PIH1D2: variants seen among roughly 807,000 people sequenced by gnomAD.
The protein encoded by PIH1D2 is PIH1 domain containing 2.
PIH1D2 carries 25 observed loss-of-function variants against 31.2 expected under a neutral mutation model. That is an observed-to-expected ratio of 0.80 (90% confidence interval 0.58 to 1.12). PIH1D2 has a LOEUF of 1.12. Ranked by LOEUF, PIH1D2 falls within the 50% of genes most tolerant of loss-of-function variation. The pLI is 0.00. For missense variants in PIH1D2, 310 were observed against 356.6 expected, an observed-to-expected ratio of 0.87 and a Z score of 1.05; for synonymous variants, 116 against 119.9, an observed-to-expected ratio of 0.97 and a Z score of 0.21.
Position 112,067,837 on chromosome 11 carries a change from G to T in PIH1D2, c.*34C>A. 1 of 1,609,112 alleles carries T rather than the reference G, an allele frequency of 6.2e-7. No homozygotes were observed. The highest frequency in any genetic ancestry group is 2.2e-5 in the East Asian group (1 of 44,622). On this transcript the variant is annotated 3_prime_UTR_variant, in exon 6 of 6. Transcript: ENST00000280350. ...AGGTCCTTTAATTCACATGACTTTA[G>T]CACTGAAAACCCAAAACATATGATG...
chr11:112,060,890 G>T, downstream of PIH1D2: 2 of 652,502 alleles, frequency 3.1e-6, no homozygotes, highest in South Asian at 1.9e-5. Context: ...TATTGTAATG[G>T]TTGTATATCT....
At chr11:112,056,244 A>T in the PIH1D2 span, among the ~76,000 whole-genome samples, 1 of 152,100 alleles carries the variant, frequency 6.6e-6, no homozygotes, top group African/African-American at 2.4e-5. Flanking sequence ...CAATTTCTTG[A>T]TTTTTGTTAA....
chr11:112,064,224 T>C (rs1864813238), downstream of PIH1D2: 4 of 1,556,584 alleles, frequency 2.6e-6, no homozygotes, highest in Non-Finnish European at 3.5e-6. Context: ...GTTGTTCCCT[T>C]GAAAAAAAAT....
intron 4 of PIH1D2, 79 bp from the exon 5 acceptor site, chr11:112,070,780 G>T: frequency 7.0e-7 from 1 of 1,436,846 alleles, no homozygotes; most frequent in Non-Finnish European, 9.4e-7. Flanking sequence ...TATATGTGGT[G>T]TTAGTAGAGA....
At chr11:112,065,545 A>C (rs1457880732), downstream of PIH1D2, among the ~76,000 whole-genome samples, 1 of 152,218 alleles carries the variant, frequency 6.6e-6, no homozygotes, top group Non-Finnish European at 1.5e-5. Context: ...TGTTAATTTT[A>C]GGACATGATA....
chr11:112,057,823 A>C, the PIH1D2 span, among the ~76,000 whole-genome samples: 1 of 151,350 alleles, frequency 6.6e-6, no homozygotes, highest in Non-Finnish European at 1.5e-5. Context: ...TCAAGGCAAG[A>C]TCTACCAGCA....
At chr11:112,071,392 T>C (rs1555184607) in intron 3 of PIH1D2, 109 bp from the exon 4 acceptor site, 15 of 1,406,220 alleles carry the variant, frequency 1.1e-5, no homozygotes, top group Admixed American at 2.2e-5. Context: ...AATATTCCTG[T>C]ATTTTTCAGA....
rs149849850 is a variant in PIH1D2, at chr11:112,069,201, C to T, written c.814-1196G>A. ...GTATTTTAGTAGAGATAGGGTTTCA[C>T]CATGTTGCCCAGGCTGGTCTCGAAC... On this transcript the variant is annotated intron_variant, in intron 5 of 5. Transcript: ENST00000280350. Among the ~76,000 whole-genome samples, 835 of 151,782 alleles carry T rather than the reference C, an allele frequency of 5.5e-3. 5 individuals are homozygous for T. Among genetic ancestry groups the T allele is most frequent in the African/African-American group, 0.018 (752 of 41,376 alleles).
downstream of PIH1D2, chr11:112,060,036 G>A: frequency 6.2e-7 from 1 of 1,613,932 alleles, no homozygotes; most frequent in Non-Finnish European, 8.5e-7. Context: ...CAAAGCAAGA[G>A]AGGGTAAACT....
chr11:112,054,555 G>A, the PIH1D2 span, among the ~76,000 whole-genome samples: 1 of 152,146 alleles, frequency 6.6e-6, no homozygotes, highest in Non-Finnish European at 1.5e-5. Flanking sequence ...AGGAGATTCA[G>A]AAACCATTAA....
downstream of PIH1D2, chr11:112,064,502 A>T: frequency 3.3e-6 from 1 of 303,678 alleles, no homozygotes; most frequent in South Asian, 7.9e-5. Context: ...TTTTGAGTTT[A>T]TATAATTGGC....
chr11:112,052,665 T>G, the PIH1D2 span, among the ~76,000 whole-genome samples: 2 of 152,280 alleles, frequency 1.3e-5, no homozygotes, highest in African/African-American at 4.8e-5. Flanking sequence ...TTAAATCTTG[T>G]TGAAGGGTCT....
chr11:112,061,279 C>A, downstream of PIH1D2: 1 of 1,223,046 alleles, frequency 8.2e-7, no homozygotes, highest in South Asian at 1.2e-5. Flanking sequence ...CCTCAAATAT[C>A]GTGATCCACA....
chr11:112,060,957 A>T (rs1415716165), downstream of PIH1D2: 5 of 1,299,770 alleles, frequency 3.8e-6, no homozygotes, highest in Admixed American at 6.2e-5. Context: ...TTTTAGCTTA[A>T]GGTCTTTTCA....
downstream of PIH1D2, chr11:112,061,166 T>TGAAAAAGG: frequency 6.2e-7 from 1 of 1,614,112 alleles, no homozygotes; most frequent in Non-Finnish European, 8.5e-7. Flanking sequence ...CTGCAGATAA[T>TGAAAAAGG]GAAAAAGGGT....
chr11:112,060,129 C>A, downstream of PIH1D2: 313 of 1,066,048 alleles, frequency 2.9e-4, no homozygotes, highest in Non-Finnish European at 4.0e-4. Flanking sequence ...GCATTTATTG[C>A]ATTTTTCACC....
the PIH1D2 span, among the ~76,000 whole-genome samples, chr11:112,053,851 ATTTTACTT>A: frequency 6.6e-6 from 1 of 151,888 alleles, no homozygotes; most frequent in East Asian, 1.9e-4. Flanking sequence ...TTTTTCATTT[ATTTTACTT>A]TATTGACTGA....
At chr11:112,068,769 G>C (rs1555184161) in intron 5 of PIH1D2, among the ~76,000 whole-genome samples, 2 of 151,956 alleles carry the variant, frequency 1.3e-5, no homozygotes, top group African/African-American at 4.8e-5. Flanking sequence ...GGGCAATAGA[G>C]TGAGACTGTC....
downstream of PIH1D2, chr11:112,063,296 T>G (rs587605312): frequency 2.0e-5 from 3 of 152,330 alleles, no homozygotes; most frequent in Admixed American, 1.3e-4. Flanking sequence ...AAAAGAAACA[T>G]TGTTAATATA....
Sources: gnomAD v4.1 joint callset for allele counts (sites outside exome capture counted in the v4.1 genomes callset) on GRCh38, gnomAD v4.1.1 for gene constraint, MANE v1.5 for transcripts, NCBI Gene and HGNC (gene_info 2026-07-23, HGNC 2026-07-21) for gene names.